SP110: variants seen among roughly 807,000 people sequenced by gnomAD.
SP110 encodes the protein SP110 nuclear body protein.
In SP110, 62 loss-of-function variants were observed where a neutral mutation model predicts 92.7. That is an observed-to-expected ratio of 0.67 (90% CI 0.55 to 0.83). The LOEUF (loss-of-function observed/expected upper bound fraction) is 0.83. Ranked by LOEUF, SP110 falls within the 40% of genes least tolerant of loss-of-function variation. The pLI is 0.00. For missense variants in SP110, 793 were observed against 863.9 expected (o/e 0.92, Z 1.03); for synonymous variants, 273 against 305.3 (o/e 0.89, Z 1.10).
chr2:230,204,642 G>T (rs72982413), intron 8 of SP110, among the ~76,000 whole-genome samples: 18,208 of 151,224 alleles, frequency 0.12, 1,218 homozygotes, highest in South Asian at 0.27. Flanking sequence ...TAGCTAATTT[G>T]TGCCAGGACA....
chr2:230,199,486 G>A (rs193179847), intron 10 of SP110, among the ~76,000 whole-genome samples: 1 of 151,974 alleles, frequency 6.6e-6, no homozygotes, highest in Non-Finnish European at 1.5e-5. Context: ...TGGGATTATA[G>A]GCATGAGCCA....
At chr2:230,196,698 G>A (rs1966553) in intron 10 of SP110, among the ~76,000 whole-genome samples, 1 of 147,122 alleles carries the variant, frequency 6.8e-6, no homozygotes, top group Non-Finnish European at 1.5e-5. Context: ...CCTCCTCCCC[G>A]CACCCCACAA....
chr2:230,171,411 C>T (rs2078437195), intron 17 of SP110: 1 of 447,748 alleles, frequency 2.2e-6, no homozygotes, highest in Non-Finnish European at 4.1e-6. Flanking sequence ...GACTCTTAAT[C>T]TCTAGTAGGA....
intron 13 of SP110, 31 bp downstream of exon 13, chr2:230,178,126 A>T (rs747254420): frequency 7.4e-7 from 1 of 1,356,058 alleles, no homozygotes; most frequent in African/African-American, 1.4e-5. Flanking sequence ...TCATCTAGGG[A>T]TTCCAAAGAG....
rs749935593 is a variant in SP110 at position 230,170,723 on chromosome 2, C to T, written c.1926G>A (p.Trp642Ter). The change falls in exon 18 of 19, where the codon TGG becomes TGA. Residue 642 changes from tryptophan (W) to a stop codon, truncating the protein, a stop_gained. Transcript: ENST00000258381. LOFTEE classifies it high-confidence loss of function. ...TCAGCCTTTCCTTAACCAGGTCCAA[C>T]CACATTGCTTCCTGAAAGGGCTCAC... ...DYGEPFQEAMWLDLVKERLIT... is the reference protein window; with the variant it reads ...DYGEPFQEAM 3.1e-6 allele frequency: 5 copies of T among 1,614,004 alleles called. No homozygotes were observed. The highest frequency in any genetic ancestry group is 1.7e-5 in the Admixed American group (1 of 60,002).
At chr2:230,218,473 G>A (rs2045475036) in intron 1 of SP110, among the ~76,000 whole-genome samples, 1 of 152,196 alleles carries the variant, frequency 6.6e-6, no homozygotes, top group Non-Finnish European at 1.5e-5. Flanking sequence ...TCCACAATAT[G>A]CACAGGGGAA....
At chr2:230,214,033 A>G (rs931606595) in intron 3 of SP110, 2 of 152,240 alleles carry the variant, frequency 1.3e-5, no homozygotes, top group Admixed American at 1.3e-4. Context: ...ACTAATGAAA[A>G]TATCCAATGT....
chr2:230,207,883 A>G, intron 8 of SP110, 108 bp downstream of exon 8: 3 of 693,056 alleles, frequency 4.3e-6, no homozygotes, highest in Non-Finnish European at 7.9e-6. Context: ...AATCTCTTCA[A>G]TGGCTTCCCA....
intron 10 of SP110, among the ~76,000 whole-genome samples, chr2:230,188,052 T>G (rs1038884619): frequency 2.6e-5 from 4 of 152,188 alleles, no homozygotes; most frequent in Non-Finnish European, 5.9e-5. Context: ...TTGATAAGAA[T>G]TGCATTCAAT....
upstream of SP110, among the ~76,000 whole-genome samples, chr2:230,224,824 G>A (rs2046140219): frequency 1.3e-5 from 2 of 152,096 alleles, no homozygotes; most frequent in Non-Finnish European, 2.9e-5. Flanking sequence ...CCATACCCTG[G>A]CTCTCATCAG....
At chr2:230,213,309 G>C (rs1051299680) in intron 3 of SP110, among the ~76,000 whole-genome samples, 1 of 151,976 alleles carries the variant, frequency 6.6e-6, no homozygotes, top group African/African-American at 2.4e-5. Context: ...TGTACCCAGG[G>C]GTTTAACTTT....
intron 10 of SP110, among the ~76,000 whole-genome samples, chr2:230,200,109 G>A (rs1281586598): frequency 2.0e-5 from 3 of 152,152 alleles, no homozygotes. Flanking sequence ...CAATATAGGA[G>A]AAACTGTTAA....
At chr2:230,190,672 G>A (rs374328995) in intron 10 of SP110, among the ~76,000 whole-genome samples, 2 of 61,922 alleles carry the variant, frequency 3.2e-5, no homozygotes, top group African/African-American at 1.0e-4. Context: ...TTTTCTTCTA[G>A]GGTTTTTATG....
intron 17 of SP110, chr2:230,171,372 G>A (rs556377016): frequency 3.9e-5 from 15 of 382,096 alleles, no homozygotes; most frequent in African/African-American, 1.0e-4. Context: ...GATTACAGGC[G>A]TGAGCCGCTG....
chr2:230,170,540 T>C, intron 18 of SP110, 81 bp downstream of exon 18: 1 of 1,531,478 alleles, frequency 6.5e-7, no homozygotes, highest in East Asian at 2.3e-5. Context: ...AAACTGAGTG[T>C]AATACTTGCA....
chr2:230,199,181 T>C lies in SP110; in HGVS notation c.1129+1704A>G, dbSNP rs146598419. 9.9e-4 allele frequency among the ~76,000 whole-genome samples: 148 copies of C among 149,036 alleles called. 1 individual carries two copies. The highest frequency in any genetic ancestry group is 6.9e-3 in the Middle Eastern group (2 of 290). On this transcript the variant is annotated intron_variant, in intron 10 of 18. Transcript: ENST00000258381. ...TTTTTTTTAGTGGGGTGAGGTTTGC[T>C]GTCACACACAGCAACATAATCCTCT...
At position 230,216,725 on chromosome 2, in the gene SP110, T is replaced by G. The variant is rs2045222054; in HGVS notation, c.147+56A>C. On this transcript the variant is annotated intron_variant, in intron 2 of 18. Coordinates refer to ENST00000258381, the MANE Select transcript of SP110 (RefSeq NM_080424.4). ...GGTGGTTTGTGGTTTGAGACTTTAATAATCAGGCATATTGGTGGGGGCTGG... is the reference window on the plus strand; with the variant it reads ...GGTGGTTTGTGGTTTGAGACTTTAAGAATCAGGCATATTGGTGGGGGCTGG... 3.1e-6 allele frequency: 5 copies of G among 1,604,192 alleles called. No homozygotes were observed. The Admixed American group carries it at 8.3e-5, about 27-fold the overall frequency.
At chr2:230,174,503 T>C (rs949246347) in intron 14 of SP110, among the ~76,000 whole-genome samples, 1 of 152,170 alleles carries the variant, frequency 6.6e-6, no homozygotes, top group Non-Finnish European at 1.5e-5. Context: ...TCATGCCTCC[T>C]GGCATCTCTG....
In SP110 at chr2:230,166,033, A is replaced by G. The variant is rs750557617; in HGVS notation, c.*3091T>C. ...CTCAGCCTCTTGAGTAGCTGGGACT[A>G]CAGGCGCCCGCCACCACGCCTGGCT... On this transcript the variant is annotated 3_prime_UTR_variant, in exon 19 of 19. Coordinates refer to ENST00000258381, the MANE Select transcript of SP110 (RefSeq NM_080424.4). Among the ~76,000 whole-genome samples the G allele has an allele frequency of 7.9e-5, 12 of 151,760 alleles. No homozygotes were observed. Among genetic ancestry groups the G allele is most frequent in the Non-Finnish European group, 1.5e-4 (10 of 67,962 alleles).
Sources: gnomAD v4.1 joint callset for allele counts (sites outside exome capture counted in the v4.1 genomes callset) on GRCh38, gnomAD v4.1.1 for gene constraint, MANE v1.5 for transcripts, NCBI Gene and HGNC (gene_info 2026-07-23, HGNC 2026-07-21) for gene names.